The following RIC1 variants were observed in gnomAD, a reference collection of about 807,000 sequenced individuals.
The protein encoded by RIC1 is guanine nucleotide exchange factor subunit RIC1.
A neutral mutation model predicts 169.0 loss-of-function variants in RIC1; 88 were observed. The observed-to-expected ratio is 0.52, with a 90% CI of 0.44 to 0.62. The LOEUF is 0.62. Among genes scored for constraint, RIC1 ranks in the 20% least tolerant of loss-of-function variants. The probability of loss-of-function intolerance (pLI) is 0.00; values close to 1 mark genes in which losing one functional copy is unlikely to be tolerated. For missense variants in RIC1, 1,877 were observed against 1,725.5 expected, an observed-to-expected ratio of 1.09 and a Z score of -1.56; for synonymous variants, 790 against 601.5, an observed-to-expected ratio of 1.31 and a Z score of -4.59.
intron 4 of RIC1, among the ~76,000 whole-genome samples, chr9:5,716,083 A>G (rs1253488061): frequency 6.6e-6 from 1 of 151,746 alleles, no homozygotes; most frequent in Non-Finnish European, 1.5e-5. Context: ...AGCTCAAGCG[A>G]TCTCCCCTCC....
intron 4 of RIC1, 128 bp downstream of exon 4, chr9:5,714,131 G>A: frequency 3.7e-6 from 2 of 545,370 alleles, no homozygotes; most frequent in South Asian, 5.9e-5. Context: ...TTCTGGAAAT[G>A]CTTGATTAAC....
chr9:5,683,618 G>T (rs930469481), intron 2 of RIC1, among the ~76,000 whole-genome samples: 6 of 152,202 alleles, frequency 3.9e-5, no homozygotes, highest in African/African-American at 1.2e-4. Context: ...GAGGCAGTCT[G>T]CCGGTTCTCA....
chr9:5,699,396 A>G (rs1293193494), intron 3 of RIC1, among the ~76,000 whole-genome samples: 1 of 152,036 alleles, frequency 6.6e-6, no homozygotes, highest in Non-Finnish European at 1.5e-5. Context: ...AGCTGCTGGG[A>G]TGGGCCGTGG....
intron 2 of RIC1, among the ~76,000 whole-genome samples, chr9:5,681,834 G>A (rs530920285): frequency 1.3e-5 from 2 of 152,134 alleles, no homozygotes; most frequent in East Asian, 3.8e-4. Flanking sequence ...CTCCTGTATT[G>A]CGTGCTCCTG....
At chr9:5,756,501 A>G (rs1563709197) in intron 16 of RIC1, 129 bp downstream of exon 16, 2 of 558,766 alleles carry the variant, frequency 3.6e-6, no homozygotes, top group Non-Finnish European at 2.8e-6. Flanking sequence ...AGGTAAAAAA[A>G]GCAAGGAGTT....
At position 5,747,452 on chromosome 9, in the gene RIC1, G is replaced by C; in HGVS notation, c.1399G>C (p.Glu467Gln). 1.2e-6 allele frequency: 2 copies of C among 1,614,076 alleles called. No individual in the cohort carries two copies. The highest frequency in any genetic ancestry group is 1.7e-6 in the Non-Finnish European group (2 of 1,179,942). ...EKSPFADGGL[E>Q]SQGLSTLLGH... ...GAGCCCATTTGCAGATGGAGGTTTA[G>C]AGTCTCAGGGATTAAGCACTTTACT... Residue 467 changes from glutamate to glutamine, a missense_variant, in exon 12 of 26, where the codon GAG (glutamate) becomes CAG (glutamine). By Grantham distance (29) the Glu-to-Gln change is conservative (BLOSUM62 2). Around this residue, in one of 3 missense-constraint regions of RIC1, gnomAD observed 1,104 missense variants for 992.0 expected, o/e 1.11. Coordinates refer to ENST00000414202, the MANE Select transcript of RIC1 (RefSeq NM_020829.4).
intron 3 of RIC1, among the ~76,000 whole-genome samples, chr9:5,699,959 A>G (rs1254673566): frequency 3.3e-5 from 5 of 152,188 alleles, no homozygotes; most frequent in African/African-American, 4.8e-5. Context: ...CTTTGAATGC[A>G]TTAAGAAAAC....
At chr9:5,722,076 C>T (rs1165299777) in intron 6 of RIC1, among the ~76,000 whole-genome samples, 8 of 151,790 alleles carry the variant, frequency 5.3e-5, no homozygotes, top group South Asian at 4.1e-4. Context: ...TTAGTAGAGA[C>T]GGGGTTTCTC....
intron 22 of RIC1, among the ~76,000 whole-genome samples, 163 bp from the exon 23 acceptor site, chr9:5,769,921 ATGT>A (rs1278869123): frequency 1.3e-5 from 2 of 152,186 alleles, no homozygotes; most frequent in Non-Finnish European, 2.9e-5. Flanking sequence ...ACACAATCCC[ATGT>A]CTCTAGTTTT....
At chr9:5,717,904 C>G (rs1482692047) in intron 4 of RIC1, among the ~76,000 whole-genome samples, 2 of 150,714 alleles carry the variant, frequency 1.3e-5, no homozygotes, top group Non-Finnish European at 2.9e-5. Context: ...ACTTTGGAGG[C>G]CAAGGTGGGT....
chr9:5,682,703 C>T (rs1369006205), intron 2 of RIC1, among the ~76,000 whole-genome samples: 1 of 152,134 alleles, frequency 6.6e-6, no homozygotes, highest in Non-Finnish European at 1.5e-5. Flanking sequence ...TGAATGTTGG[C>T]CTGCCTTGCT....
rs373285475 is a variant in RIC1 at position 5,774,356 on chromosome 9, C to T, written c.*110C>T. 31 of 872,382 alleles carry T rather than the reference C, an allele frequency of 3.6e-5. No homozygotes were observed. The highest frequency in any genetic ancestry group is 2.1e-4 in the African/African-American group (13 of 60,486). 54.0% of individuals were successfully genotyped at this position (872,382 alleles called of 1,614,324 possible). Reference sequence around the variant, plus strand: ...AGGAGAACTCAGTTCAGAGACTCTTCGGTAAGTATTAGTAGATTTTAACTA... The same window carrying T: ...AGGAGAACTCAGTTCAGAGACTCTTTGGTAAGTATTAGTAGATTTTAACTA... On this transcript the variant is annotated 3_prime_UTR_variant, in exon 26 of 26. Coordinates refer to ENST00000414202, the MANE Select transcript of RIC1 (RefSeq NM_020829.4).
In RIC1 at chr9:5,720,311, G is replaced by T; in HGVS notation, c.570G>T (p.Leu190=). 1 of 1,612,844 alleles carries T rather than the reference G, an allele frequency of 6.2e-7. No homozygotes were observed. Among genetic ancestry groups the T allele is most frequent in the Non-Finnish European group, 8.5e-7 (1 of 1,179,450 alleles). Residue 190 remains leucine (L), a synonymous_variant, in exon 5 of 26, where the codon CTG becomes CTT. Coordinates refer to ENST00000414202, the MANE Select transcript of RIC1 (RefSeq NM_020829.4). The stretch of plus-strand genomic sequence containing the variant: ...GCACAGTACCCTTTTCAGTAGACCT[G>T]CAGTCATCTAGAGGTAGCTATACTT... ...NLCTVPFSVD[L]QSSRVGSFLG...
In RIC1 at chr9:5,690,814, T is replaced by C. The variant is rs143910343; in HGVS notation, c.332+776T>C. 2.3e-3 allele frequency among the ~76,000 whole-genome samples: 347 copies of C among 152,044 alleles called. 4 individuals carry two copies. The highest frequency in any genetic ancestry group is 7.8e-3 in the African/African-American group (326 of 41,546). Reference sequence around the variant, plus strand: ...TTACTACTTTTATATAAAAGAGATATATAAATTGCCAATAAGCACACAGAG... The same window carrying C: ...TTACTACTTTTATATAAAAGAGATACATAAATTGCCAATAAGCACACAGAG... On this transcript the variant is annotated intron_variant, in intron 3 of 25. Transcript: ENST00000414202.
At chr9:5,630,911 T>C (rs999896538) in intron 1 of RIC1, among the ~76,000 whole-genome samples, 2 of 152,204 alleles carry the variant, frequency 1.3e-5, no homozygotes, top group East Asian at 1.9e-4. Context: ...CAGAAAAAAA[T>C]AGAACTTGAA....
At chr9:5,704,300 T>C (rs1235002049) in intron 3 of RIC1, among the ~76,000 whole-genome samples, 1 of 152,108 alleles carries the variant, frequency 6.6e-6, no homozygotes, top group Non-Finnish European at 1.5e-5. Context: ...ATCCTTGATT[T>C]CTTGGGCTCA....
chr9:5,737,633 C>T (rs555668589), intron 7 of RIC1, among the ~76,000 whole-genome samples: 41 of 151,136 alleles, frequency 2.7e-4, no homozygotes, highest in African/African-American at 9.0e-4. Context: ...TACTGTTGAC[C>T]GTTGAACAGC....
chr9:5,639,293 G>C (rs553129649), intron 1 of RIC1, among the ~76,000 whole-genome samples: 1 of 152,188 alleles, frequency 6.6e-6, no homozygotes, highest in East Asian at 1.9e-4. Flanking sequence ...TTGATATGTT[G>C]TGTTTCCATT....
At chr9:5,657,462 T>C (rs777579621) in intron 2 of RIC1, among the ~76,000 whole-genome samples, 1 of 152,164 alleles carries the variant, frequency 6.6e-6, no homozygotes, top group Non-Finnish European at 1.5e-5. Flanking sequence ...ATTTAATCTT[T>C]AGATAAGTGC....
Sources: gnomAD v4.1 joint callset for allele counts (sites outside exome capture counted in the v4.1 genomes callset) on GRCh38, gnomAD v4.1.1 for gene constraint, gnomAD v4.1.1 regional missense constraint, MANE v1.5 for transcripts, NCBI Gene and HGNC (gene_info 2026-07-23, HGNC 2026-07-21) for gene names.